Variants in UNC5D observed in about 807,000 individuals in gnomAD.
UNC5D encodes the protein unc-5 netrin receptor D, also known as netrin receptor UNC5D.
In UNC5D, 39 loss-of-function variants were observed where a neutral mutation model predicts 105.4. The ratio of observed to expected loss-of-function variants is 0.37; its 90% CI spans 0.29 to 0.48. UNC5D has a LOEUF of 0.48. Ranked by LOEUF, UNC5D falls within the 20% of genes least tolerant of loss-of-function variation. The pLI, the probability that UNC5D is intolerant of heterozygous loss-of-function variation, is 0.98. For synonymous variants in UNC5D, 452 were observed against 450.4 expected, an observed-to-expected ratio of 1.00 and a Z score of -0.04; for missense variants, 991 against 1,202.4, an observed-to-expected ratio of 0.82 and a Z score of 2.60.
chr8:35,733,891 T>G (rs1829324820), intron 11 of UNC5D, among the ~76,000 whole-genome samples: 1 of 151,684 alleles, frequency 6.6e-6, no homozygotes, highest in Non-Finnish European at 1.5e-5. Flanking sequence ...AAGAAAGGAG[T>G]AAGGTCTATA....
At chr8:35,629,462 A>G (rs1440577797) in intron 4 of UNC5D, among the ~76,000 whole-genome samples, 2 of 152,138 alleles carry the variant, frequency 1.3e-5, no homozygotes, top group African/African-American at 2.4e-5. Context: ...CATTTTCTCA[A>G]TGTAGTCGCT....
chr8:35,640,640 T>C (rs1191512242), intron 4 of UNC5D, among the ~76,000 whole-genome samples: 1 of 152,132 alleles, frequency 6.6e-6, no homozygotes, highest in East Asian at 1.9e-4. Flanking sequence ...CAGTGGAAGA[T>C]TAAGGTAAAA....
At chr8:35,321,537 G>A (rs947081496) in intron 1 of UNC5D, among the ~76,000 whole-genome samples, 1 of 152,074 alleles carries the variant, frequency 6.6e-6, no homozygotes, top group Non-Finnish European at 1.5e-5. Flanking sequence ...TAAGTTTCAT[G>A]AGGCCTTCAC....
intron 3 of UNC5D, among the ~76,000 whole-genome samples, chr8:35,587,174 T>A (rs552321214): frequency 9.9e-5 from 15 of 152,050 alleles, no homozygotes; most frequent in Non-Finnish European, 1.6e-4. Context: ...GCATTGTGGG[T>A]CTTGTTGGCA....
At chr8:35,707,772 C>T (rs780127771) in intron 8 of UNC5D, among the ~76,000 whole-genome samples, 1 of 152,176 alleles carries the variant, frequency 6.6e-6, no homozygotes, top group African/African-American at 2.4e-5. Context: ...TACTTCCAGG[C>T]ATAAACCCCG....
At chr8:35,410,966 G>A (rs1422364531) in intron 1 of UNC5D, among the ~76,000 whole-genome samples, 2 of 152,014 alleles carry the variant, frequency 1.3e-5, no homozygotes, top group Non-Finnish European at 2.9e-5. Context: ...TTTGATTTGA[G>A]GTGTGGACAC....
At chr8:35,557,205 C>T (rs898804251) in intron 2 of UNC5D, among the ~76,000 whole-genome samples, 1 of 152,184 alleles carries the variant, frequency 6.6e-6, no homozygotes, top group Non-Finnish European at 1.5e-5. Flanking sequence ...AGTTAATTTG[C>T]TTTCCTTTAC....
At chr8:35,540,144 A>G (rs1385793802) in intron 1 of UNC5D, among the ~76,000 whole-genome samples, 4 of 152,184 alleles carry the variant, frequency 2.6e-5, no homozygotes, top group Non-Finnish European at 4.4e-5. Flanking sequence ...TTTCAGATGA[A>G]TTTGAAAATT....
At chr8:35,679,832 A>G (rs12545460) in intron 4 of UNC5D, among the ~76,000 whole-genome samples, 8,142 of 152,222 alleles carry the variant, frequency 0.053, 442 homozygotes, top group African/African-American at 0.12. Flanking sequence ...TTTTCAAGGG[A>G]AAGAAATTTA....
intron 1 of UNC5D, among the ~76,000 whole-genome samples, chr8:35,506,610 G>T (rs938887273): frequency 1.3e-5 from 2 of 152,216 alleles, no homozygotes; most frequent in Non-Finnish European, 2.9e-5. Context: ...ATTAGGCAGT[G>T]TTTGAACTGA....
At chr8:35,264,700 A>C (rs1349719267) in intron 1 of UNC5D, among the ~76,000 whole-genome samples, 2 of 150,260 alleles carry the variant, frequency 1.3e-5, no homozygotes, top group African/African-American at 4.9e-5. Flanking sequence ...ACTGCACTCC[A>C]GCCTGGGTGA....
intron 4 of UNC5D, among the ~76,000 whole-genome samples, chr8:35,617,780 A>G (rs1481620081): frequency 2.6e-5 from 4 of 152,218 alleles, no homozygotes; most frequent in Non-Finnish European, 4.4e-5. Context: ...TTCAGAACTG[A>G]ACAGCTGAGA....
chr8:35,755,835 T>G (rs1191688333), intron 13 of UNC5D, among the ~76,000 whole-genome samples: 1 of 152,176 alleles, frequency 6.6e-6, no homozygotes, highest in Non-Finnish European at 1.5e-5. Flanking sequence ...CCTTGTCACA[T>G]AGAAGGCAGA....
At chr8:35,271,655 CTATA>C (rs1247295391) in intron 1 of UNC5D, among the ~76,000 whole-genome samples, 1 of 117,110 alleles carries the variant, frequency 8.5e-6, no homozygotes, top group African/African-American at 3.2e-5. Flanking sequence ...ATATGTATAC[CTATA>C]TTTATACAGG....
At chr8:35,788,856 C>T (rs942102670) in intron 16 of UNC5D, among the ~76,000 whole-genome samples, 4 of 151,770 alleles carry the variant, frequency 2.6e-5, no homozygotes, top group Admixed American at 6.6e-5. Context: ...ACTGGGATTT[C>T]GAACCATTGA....
chr8:35,389,091 C>A (rs780942686), intron 1 of UNC5D, among the ~76,000 whole-genome samples: 7 of 152,176 alleles, frequency 4.6e-5, no homozygotes, highest in Non-Finnish European at 8.8e-5. Flanking sequence ...TGAATGGAAG[C>A]AAGATTCTTC....
chr8:35,344,166 A>G (rs954198681), intron 1 of UNC5D, among the ~76,000 whole-genome samples: 2 of 152,100 alleles, frequency 1.3e-5, no homozygotes, highest in African/African-American at 4.8e-5. Flanking sequence ...AACAGAAAGT[A>G]TATAAAGAAA....
At chr8:35,660,168 T>C (rs964629900) in intron 4 of UNC5D, among the ~76,000 whole-genome samples, 1 of 152,198 alleles carries the variant, frequency 6.6e-6, no homozygotes, top group Non-Finnish European at 1.5e-5. Context: ...ATCCTACCTC[T>C]GTAGGCAGAA....
chr8:35,615,346 C>T (rs16884195), intron 4 of UNC5D, among the ~76,000 whole-genome samples: 25,611 of 151,978 alleles, frequency 0.17, 4,848 homozygotes, highest in African/African-American at 0.47. Context: ...TATTTCCAGA[C>T]CTTTCTCTGT....
Sources: gnomAD v4.1 joint callset for allele counts (sites outside exome capture counted in the v4.1 genomes callset) on GRCh38, gnomAD v4.1.1 for gene constraint, MANE v1.5 for transcripts, NCBI Gene and HGNC (gene_info 2026-07-23, HGNC 2026-07-21) for gene names.